SYN3: variants seen among roughly 807,000 people sequenced by gnomAD.
The protein encoded by SYN3 is synapsin-3.
Under a neutral mutation model 65.8 loss-of-function variants are expected in SYN3, and 35 were observed. The observed-to-expected ratio is 0.53, with a 90% CI of 0.41 to 0.70. SYN3 has a LOEUF of 0.70. Among genes scored for constraint, SYN3 ranks in the 30% least tolerant of loss-of-function variants. SYN3 has a pLI of 0.00. For missense variants in SYN3, 680 were observed against 749.0 expected (o/e 0.91, Z 1.08); for synonymous variants, 270 against 292.9 (o/e 0.92, Z 0.80).
At chr22:32,679,315 T>C (rs1190610187) in intron 6 of SYN3, among the ~76,000 whole-genome samples, 2 of 109,698 alleles carry the variant, frequency 1.8e-5, no homozygotes, top group African/African-American at 7.3e-5. Flanking sequence ...TCTCCCAAAG[T>C]GTTGAGATTA....
intron 4 of SYN3, among the ~76,000 whole-genome samples, chr22:32,874,477 C>T (rs1569294706): frequency 6.6e-6 from 1 of 152,174 alleles, no homozygotes; most frequent in Non-Finnish European, 1.5e-5. Flanking sequence ...ATGCTTCTGG[C>T]AGCGTCAAAA....
chr22:32,618,789 T>C (rs1432236210), intron 6 of SYN3, among the ~76,000 whole-genome samples: 1 of 152,174 alleles, frequency 6.6e-6, no homozygotes, highest in African/African-American at 2.4e-5. Flanking sequence ...AGGAAGCCCC[T>C]ACCTTGAACA....
chr22:32,836,711 G>A (rs1349885776), intron 6 of SYN3, among the ~76,000 whole-genome samples: 4 of 152,124 alleles, frequency 2.6e-5, no homozygotes, highest in African/African-American at 9.7e-5. Flanking sequence ...GGGGACACCC[G>A]CTGCAGCAGG....
intron 1 of SYN3, among the ~76,000 whole-genome samples, chr22:33,047,798 T>C (rs1350166049): frequency 6.7e-6 from 1 of 149,744 alleles, no homozygotes; most frequent in Non-Finnish European, 1.5e-5. Flanking sequence ...TTCCTGGCAC[T>C]CTGAGGGTTC....
intron 4 of SYN3, among the ~76,000 whole-genome samples, chr22:32,902,573 C>T (rs1252407064): frequency 6.6e-6 from 1 of 152,278 alleles, no homozygotes; most frequent in South Asian, 2.1e-4. Flanking sequence ...CCAGGTTGTA[C>T]CTTGCTTATG....
At position 32,630,707 on chromosome 22, in the gene SYN3, T is replaced by C. The variant is rs376107939; in HGVS notation, c.712-33971A>G. Among the ~76,000 whole-genome samples, 16 of 152,352 alleles carry C rather than the reference T, an allele frequency of 1.1e-4. No homozygotes were observed. The East Asian group carries it at 2.9e-3, about 28-fold the overall frequency. ...CAACACTTAATCAAGACATAGGCCA[T>C]TTCCATCTCTGCGGCAAGTTTCCCC... On this transcript the variant is annotated intron_variant, in intron 6 of 13. Transcript: ENST00000358763.
intron 4 of SYN3, among the ~76,000 whole-genome samples, chr22:32,901,654 T>C (rs2049763698): frequency 6.6e-6 from 1 of 151,996 alleles, no homozygotes; most frequent in Non-Finnish European, 1.5e-5. Flanking sequence ...TTACAGGTTT[T>C]AGTTTCTTAA....
At chr22:32,910,098 C>T (rs1460566996) in intron 4 of SYN3, among the ~76,000 whole-genome samples, 1 of 152,104 alleles carries the variant, frequency 6.6e-6, no homozygotes, top group Non-Finnish European at 1.5e-5. Context: ...TCTGCCCTGG[C>T]ACAGTCTCCA....
chr22:32,779,277 T>C (rs1053500664), intron 6 of SYN3, among the ~76,000 whole-genome samples: 5 of 151,956 alleles, frequency 3.3e-5, no homozygotes, highest in African/African-American at 4.8e-5. Flanking sequence ...CTGGACAACA[T>C]GGCAAAAACC....
chr22:32,772,511 C>T (rs563815642), intron 6 of SYN3, among the ~76,000 whole-genome samples: 488 of 151,898 alleles, frequency 3.2e-3, no homozygotes, highest in Non-Finnish European at 4.0e-3. Context: ...AAAAATGATC[C>T]GCCTCCCTCC....
intron 6 of SYN3, among the ~76,000 whole-genome samples, chr22:32,605,494 G>T (rs1489919814): frequency 6.6e-6 from 1 of 152,164 alleles, no homozygotes; most frequent in Non-Finnish European, 1.5e-5. Flanking sequence ...CAGGCATGGG[G>T]CTAAGCACTT....
intron 6 of SYN3, among the ~76,000 whole-genome samples, chr22:32,813,702 C>T (rs1365160208): frequency 1.3e-5 from 2 of 151,256 alleles, no homozygotes; most frequent in Non-Finnish European, 2.9e-5. Context: ...GCATTTCCCA[C>T]ACTTTCTGAG....
At chr22:32,601,056 C>T (rs1486698171) in intron 6 of SYN3, among the ~76,000 whole-genome samples, 1 of 152,156 alleles carries the variant, frequency 6.6e-6, no homozygotes, top group East Asian at 1.9e-4. Flanking sequence ...TATATTTGAA[C>T]GGCATGTCCT....
intron 6 of SYN3, among the ~76,000 whole-genome samples, chr22:32,623,474 G>A (rs921536771): frequency 2.0e-5 from 3 of 152,196 alleles, no homozygotes; most frequent in African/African-American, 7.2e-5. Flanking sequence ...GGGATTACAG[G>A]TATGAGCCAC....
intron 4 of SYN3, among the ~76,000 whole-genome samples, chr22:32,892,296 A>C (rs2049471776): frequency 6.6e-6 from 1 of 150,930 alleles, no homozygotes; most frequent in Admixed American, 6.6e-5. Flanking sequence ...ACTCCATCTC[A>C]AAAAATAAAA....
intron 3 of SYN3, among the ~76,000 whole-genome samples, chr22:32,932,219 A>G (rs2050650812): frequency 6.7e-6 from 1 of 149,660 alleles, no homozygotes; most frequent in Non-Finnish European, 1.5e-5. Flanking sequence ...ATTTCTCTCT[A>G]TTAACGGACC....
At chr22:32,746,922 A>G (rs5994617) in intron 6 of SYN3, among the ~76,000 whole-genome samples, 111,234 of 152,072 alleles carry the variant, frequency 0.73, 41,163 homozygotes, top group African/African-American at 0.82. Context: ...AGCAACCTTT[A>G]GACAATTTGT....
intron 6 of SYN3, among the ~76,000 whole-genome samples, chr22:32,851,954 T>C (rs987480524): frequency 2.0e-5 from 3 of 152,228 alleles, no homozygotes; most frequent in Non-Finnish European, 4.4e-5. Flanking sequence ...TCGTGCTTCC[T>C]TCCCACCCTC....
intron 6 of SYN3, among the ~76,000 whole-genome samples, chr22:32,811,429 G>A (rs914347768): frequency 2.6e-5 from 4 of 152,126 alleles, no homozygotes; most frequent in African/African-American, 7.2e-5. Flanking sequence ...CTTCACTTTC[G>A]GTGAGGAAAA....
Sources: allele counts gnomAD v4.1 joint callset (sites outside exome capture counted in the v4.1 genomes callset), GRCh38; gene constraint gnomAD v4.1.1; transcripts MANE v1.5; gene names NCBI Gene and HGNC (gene_info 2026-07-23, HGNC 2026-07-21).